The following SMC4 variants were observed in gnomAD, a reference collection of about 807,000 sequenced individuals.
The protein encoded by SMC4 is structural maintenance of chromosomes 4.
A neutral mutation model predicts 145.6 loss-of-function variants in SMC4; 87 were observed. The ratio of observed to expected loss-of-function variants is 0.60; its 90% CI spans 0.50 to 0.71. SMC4 has a LOEUF of 0.71. Ranked by LOEUF, SMC4 falls within the 30% of genes least tolerant of loss-of-function variation. The probability of loss-of-function intolerance (pLI) is 0.00; values close to 1 mark genes in which losing one functional copy is unlikely to be tolerated. For synonymous variants in SMC4, 558 were observed against 500.7 expected (o/e 1.11, Z -1.53); for missense variants, 1,447 against 1,537.1 (o/e 0.94, Z 0.98).
At chr3:160,414,772 G>A (rs1340869342) in intron 9 of SMC4, among the ~76,000 whole-genome samples, 4 of 152,246 alleles carry the variant, frequency 2.6e-5, no homozygotes, top group African/African-American at 7.2e-5. Context: ...CTAGCGTGCA[G>A]TGGTATGATT....
intron 5 of SMC4, among the ~76,000 whole-genome samples, chr3:160,405,253 C>G (rs1170763824): frequency 1.3e-5 from 2 of 151,806 alleles, no homozygotes; most frequent in Non-Finnish European, 2.9e-5. Context: ...TATATTCTAC[C>G]AGCATGGCTT....
chr3:160,419,678 AT>A, intron 12 of SMC4, 135 bp downstream of exon 12: 1 of 801,634 alleles, frequency 1.2e-6, no homozygotes, highest in Non-Finnish European at 1.9e-6. Context: ...TTTAAGGCAC[AT>A]TTATTTTTAA....
At chr3:160,425,655 T>C (rs1164381633) in intron 16 of SMC4, among the ~76,000 whole-genome samples, 3 of 152,234 alleles carry the variant, frequency 2.0e-5, no homozygotes, top group South Asian at 2.1e-4. Flanking sequence ...AAAATCCTTG[T>C]AGGTATACCT....
chr3:160,402,197 C>T (rs1559986774), intron 3 of SMC4, 104 bp downstream of exon 3: 3 of 642,922 alleles, frequency 4.7e-6, no homozygotes, highest in Non-Finnish European at 7.4e-6. Flanking sequence ...AAAATTCATT[C>T]ACTCCCTATT....
intron 16 of SMC4, among the ~76,000 whole-genome samples, chr3:160,425,395 C>G (rs937702204): frequency 1.3e-5 from 2 of 152,088 alleles, no homozygotes; most frequent in African/African-American, 4.8e-5. Flanking sequence ...TGATCACCTT[C>G]ATTTTGACGT....
At chr3:160,426,298 T>C (rs1353141761) in intron 17 of SMC4, 98 bp downstream of exon 17, 3 of 860,978 alleles carry the variant, frequency 3.5e-6, no homozygotes, top group East Asian at 2.5e-5. Context: ...AGAAGCTAAG[T>C]ATATGCAAGT....
intron 12 of SMC4, 56 bp downstream of exon 12, chr3:160,419,599 C>G: frequency 1.3e-6 from 2 of 1,514,426 alleles, no homozygotes; most frequent in Non-Finnish European, 8.9e-7. Context: ...GAAAGTGTAA[C>G]TTATTTTTTT....
At position 160,417,776 on chromosome 3, in the gene SMC4, A is replaced by G. The variant is rs773492988; in HGVS notation, c.1491A>G (p.Ser497=). The change falls in exon 11 of 24, where the codon TCA becomes TCG. Residue 497 remains serine, a synonymous_variant. Coordinates refer to ENST00000357388, the MANE Select transcript of SMC4 (RefSeq NM_001002800.3). ...GFSKSVNEAR[S]KMDVAQSELD... is the part of the protein sequence containing the mutation. ...GCAAATCGGTAAATGAAGCACGTTC[A>G]AAGATGGATGTAGCCCAGTCAGAAC... The G allele has an allele frequency of 1.2e-5, 20 of 1,613,520 alleles. No homozygotes were observed. Among genetic ancestry groups the G allele is most frequent in the Non-Finnish European group, 1.6e-5 (19 of 1,179,802 alleles).
Position 160,431,792 on chromosome 3 carries a change from A to T in SMC4, c.3264A>T (p.Pro1088=), listed in dbSNP as rs748840057. The change falls in exon 21 of 24, where the codon CCA becomes CCT. Residue 1088 remains proline (P), a synonymous_variant. Transcript: ENST00000357388. The stretch of plus-strand genomic sequence containing the variant: ...AAGCCCGGTGTCATGAAATGAAACC[A>T]AACCTCGGTGCCATCGCAGAGTATA... ...LLEARCHEMK[P]NLGAIAEYKK... is the part of the protein sequence containing the mutation. 6.2e-7 allele frequency: 1 copy of T among 1,613,842 alleles called. No homozygotes were observed. Among genetic ancestry groups the T allele is most frequent in the East Asian group, 2.2e-5 (1 of 44,884 alleles).
intron 20 of SMC4, 70 bp from the exon 21 acceptor site, chr3:160,431,573 T>C: frequency 9.6e-7 from 1 of 1,043,526 alleles, no homozygotes; most frequent in South Asian, 1.8e-5. Flanking sequence ...ATTTGTCATA[T>C]TTTTTTTTAA....
In SMC4 at chr3:160,425,022, A is replaced by ATGTGTGTATGTG. The variant is rs1553774876; in HGVS notation, c.2478+10_2478+11insATGTGTGTGTGT. 2.0e-6 allele frequency: 3 copies of ATGTGTGTATGTG among 1,469,458 alleles called. No individual in the cohort carries two copies. In the African/African-American group the frequency reaches 4.4e-5, roughly 21 times the overall value. 91.0% of individuals were successfully genotyped at this position (1,469,458 alleles called of 1,614,324 possible). On this transcript the variant is annotated splice_donor_region_variant and intron_variant, in intron 16 of 23. Coordinates refer to ENST00000357388, the MANE Select transcript of SMC4 (RefSeq NM_001002800.3). ...AAAAATTTACTGCAAGCATCCAGGT[A>ATGTGTGTATGTG]TGTGTGTGTGTGTGTGTGTGTGTGT...
At chr3:160,412,491 GTTT>G (rs766087879) in intron 7 of SMC4, 38 bp downstream of exon 7, 6 of 1,557,986 alleles carry the variant, frequency 3.9e-6, no homozygotes, top group Non-Finnish European at 5.2e-6. Flanking sequence ...TTTTATATTA[GTTT>G]TTAACCATTA....
At chr3:160,403,725 C>G (rs1239604779) in intron 4 of SMC4, among the ~76,000 whole-genome samples, 1 of 151,852 alleles carries the variant, frequency 6.6e-6, no homozygotes, top group Admixed American at 6.6e-5. Flanking sequence ...ATTTTAGAAG[C>G]CTTTGCTTCA....
At position 160,412,432 on chromosome 3, in the gene SMC4, A is replaced by G; in HGVS notation, c.959A>G (p.Asn320Ser). The change falls in exon 7 of 24, where the codon AAT becomes AGT. Residue 320 changes from asparagine (N) to serine (S), a missense_variant. Coordinates refer to ENST00000357388, the MANE Select transcript of SMC4 (RefSeq NM_001002800.3). ...TLENEIFRKK[N>S]HVCQYYIYEL... ...GAAAATGAAATATTTAGAAAAAAGAATCATGTTTGTCAATATTATATGTAA... is the reference window on the plus strand; with the variant it reads ...GAAAATGAAATATTTAGAAAAAAGAGTCATGTTTGTCAATATTATATGTAA... 1 of 1,604,578 alleles carries G rather than the reference A, an allele frequency of 6.2e-7. No homozygotes were observed.
rs17217130 is a variant in SMC4, at chr3:160,424,053, A to G, written c.2325+213A>G. Among the ~76,000 whole-genome samples, 437 of 152,278 alleles carry G rather than the reference A, an allele frequency of 2.9e-3. 8 individuals carry two copies. The highest frequency in any genetic ancestry group is 0.022 in the East Asian group (114 of 5,192). ...ATCAGAAACTATATGCTCAAAGTAC[A>G]CTTTTTAATTAGTACATTTGGATCA... On this transcript the variant is annotated intron_variant, in intron 15 of 23. Transcript: ENST00000357388.
Position 160,404,325 on chromosome 3 carries a change from C to T in SMC4, c.511-3C>T, listed in dbSNP as rs759526970. 20 of 1,594,414 alleles carry T rather than the reference C, an allele frequency of 1.3e-5. No homozygotes were observed. The South Asian group carries it at 2.3e-4, about 18-fold the overall frequency. ...TTTCTGGTTTTGTTTTTCCTCAAAA[C>T]AGGAAGGGGATGATTATGAAGTCAT... On this transcript the variant is annotated splice_region_variant and splice_polypyrimidine_tract_variant and intron_variant, in intron 4 of 23. Transcript: ENST00000357388.
intron 7 of SMC4, 73 bp from the exon 8 acceptor site, chr3:160,413,400 T>C: frequency 2.8e-6 from 4 of 1,422,828 alleles, no homozygotes; most frequent in Non-Finnish European, 2.9e-6. Context: ...TTAGTTTTAC[T>C]AAAATTGTTA....
At chr3:160,412,552 A>G in intron 7 of SMC4, 99 bp downstream of exon 7, 1 of 1,414,524 alleles carries the variant, frequency 7.1e-7, no homozygotes. Flanking sequence ...ACTGAAGTGA[A>G]AAAAAATCTC....
chr3:160,403,699 C>T (rs1281278329), intron 4 of SMC4, among the ~76,000 whole-genome samples: 1 of 151,994 alleles, frequency 6.6e-6, no homozygotes, highest in African/African-American at 2.4e-5. Flanking sequence ...ATATTAATTA[C>T]ATTTGATTTA....
Sources: gnomAD v4.1 joint callset for allele counts (sites outside exome capture counted in the v4.1 genomes callset) on GRCh38, gnomAD v4.1.1 for gene constraint, MANE v1.5 for transcripts, NCBI Gene and HGNC (gene_info 2026-07-23, HGNC 2026-07-21) for gene names.